VWA5B1: variants seen among roughly 807,000 people sequenced by gnomAD.
VWA5B1 encodes von Willebrand factor A domain-containing protein 5B1.
A neutral mutation model predicts 118.2 loss-of-function variants in VWA5B1; 115 were observed. The observed-to-expected ratio is 0.97, with a 90% CI of 0.84 to 1.14. The LOEUF (loss-of-function observed/expected upper bound fraction) is 1.14. VWA5B1 is among the 50% of genes most tolerant of loss of function. VWA5B1 has a pLI of 0.00. For missense variants in VWA5B1, 1,596 were observed against 1,603.8 expected (o/e 1.00, Z 0.08); for synonymous variants, 682 against 658.4 (o/e 1.04, Z -0.55).
In VWA5B1 at chr1:20,332,938, C is replaced by T. The variant is rs935842908; in HGVS notation, c.1745C>T (p.Ser582Phe). Residue 582 changes from serine to phenylalanine, a missense_variant, in exon 12 of 22, where the codon TCC (serine) becomes TTC (phenylalanine). By Grantham distance (155) the Ser-to-Phe change is radical. Transcript: ENST00000289815. ...GTATGTGATGCTTCTTTGCACATCT[C>T]CAATCCCAGATCTGTAAGTATCCTA... ...GIVCDASLHI[S>F]NPRSDKRRRY... 6.4e-7 allele frequency: 1 copy of T among 1,551,824 alleles called. No individual in the cohort carries two copies. Among genetic ancestry groups the T allele is most frequent in the Middle Eastern group, 1.7e-4 (1 of 6,016 alleles).
intron 7 of VWA5B1, among the ~76,000 whole-genome samples, chr1:20,321,949 G>C (rs1393929865): frequency 6.6e-6 from 1 of 152,204 alleles, no homozygotes; most frequent in Admixed American, 6.5e-5. Context: ...TTGAGCAAGA[G>C]AATGACAAGA....
At chr1:20,321,133 G>T (rs1018195285) in intron 7 of VWA5B1, among the ~76,000 whole-genome samples, 2 of 98,674 alleles carry the variant, frequency 2.0e-5, no homozygotes. Flanking sequence ...AAAAAAACAC[G>T]AAAAGATGCA....
In VWA5B1 at chr1:20,355,342, C is replaced by T. The variant is rs2090210533; in HGVS notation, c.*1079C>T. 6.6e-6 allele frequency among the ~76,000 whole-genome samples: 1 copy of T among 152,106 alleles called. No individual in the cohort carries two copies. Among genetic ancestry groups the T allele is most frequent in the African/African-American group, 2.4e-5 (1 of 41,420 alleles). On this transcript the variant is annotated 3_prime_UTR_variant, in exon 22 of 22. Transcript: ENST00000289815. ...GCTGGATCCCCTAGGGGCTTCCTGC[C>T]CTCAAGCCCACTGTGTGATGCCTAC...
At chr1:20,332,642 T>C in intron 11 of VWA5B1, 124 bp from the exon 12 acceptor site, 1 of 1,021,178 alleles carries the variant, frequency 9.8e-7, no homozygotes, top group Non-Finnish European at 1.4e-6. Flanking sequence ...GCTAGGCAAG[T>C]CACCACAAGG....
rs1440481496 is a variant in VWA5B1 at position 20,332,905 on chromosome 1, A to G, written c.1712A>G (p.Tyr571Cys). ...TTCCCTGGAGAACGGCTGGTGGGGT[A>G]TGGCATTGTATGTGATGCTTCTTTG... Reference protein sequence around the residue: ...SLFPGERLVGYGIVCDASLHI... With the variant: ...SLFPGERLVGCGIVCDASLHI... Residue 571 changes from tyrosine (Y) to cysteine (C), a missense_variant, in exon 12 of 22, where the codon TAT becomes TGT. Transcript: ENST00000289815. 2.6e-6 allele frequency: 4 copies of G among 1,551,732 alleles called. No homozygotes were observed. Among genetic ancestry groups the G allele is most frequent in the East Asian group, 4.9e-5 (2 of 40,938 alleles).
At chr1:20,317,977 G>T (rs958982220) in intron 5 of VWA5B1, among the ~76,000 whole-genome samples, 1 of 150,560 alleles carries the variant, frequency 6.6e-6, no homozygotes, top group Non-Finnish European at 1.5e-5. Context: ...CTGCTTCCTG[G>T]TTCTCACCTT....
intron 1 of VWA5B1, among the ~76,000 whole-genome samples, chr1:20,295,971 T>G (rs1427223449): frequency 6.6e-6 from 1 of 152,186 alleles, no homozygotes; most frequent in Non-Finnish European, 1.5e-5. Flanking sequence ...CAAGTGATTC[T>G]CCTGCCTCAG....
Position 20,345,599 on chromosome 1 carries a change from G to T in VWA5B1, c.2764+6G>T. On this transcript the variant is annotated splice_donor_region_variant and intron_variant, in intron 17 of 21. Transcript: ENST00000289815. ...GGTGGAGTACCCCAACTCTGGTAAG[G>T]CAGGCGAGCGGCCGGGGGCACTCCT... The T allele has an allele frequency of 6.5e-7, 1 of 1,541,318 alleles. No individual in the cohort carries two copies.
intron 1 of VWA5B1, among the ~76,000 whole-genome samples, chr1:20,293,714 T>C (rs1278837746): frequency 6.6e-6 from 1 of 152,182 alleles, no homozygotes; most frequent in Admixed American, 6.5e-5. Flanking sequence ...TGAGTATGAC[T>C]CCAGGTCACC....
chr1:20,323,306 A>T, intron 7 of VWA5B1, 50 bp from the exon 8 acceptor site: 1 of 1,393,328 alleles, frequency 7.2e-7, no homozygotes, highest in Non-Finnish European at 9.4e-7. Flanking sequence ...AGTCCCCAGG[A>T]GTACCTCTTG....
rs1390997114 is a variant in VWA5B1 at position 20,343,478 on chromosome 1, C to A, written c.2626+85C>A. ...ACAGCCGCTCCCCCTTCCCCACCCG[C>A]CCCCGGTGATCCTCTCAGCCCCGCG... On this transcript the variant is annotated intron_variant, in intron 16 of 21. Transcript: ENST00000289815. 13 of 1,440,540 alleles carry A rather than the reference C, an allele frequency of 9.0e-6. No individual in the cohort carries two copies. The East Asian group carries it at 1.5e-4, about 17-fold the overall frequency. 89.2% of individuals were successfully genotyped at this position (1,440,540 alleles called of 1,614,324 possible).
In VWA5B1 at chr1:20,343,396, G is replaced by C; in HGVS notation, c.2626+3G>C. ...GCGCGAGGGCGAGATCGAGCAGGGT[G>C]AGCGCCACGGAACTGCGCCCCTCCC... On this transcript the variant is annotated splice_donor_region_variant and intron_variant, in intron 16 of 21. Coordinates refer to ENST00000289815, the MANE Select transcript of VWA5B1 (RefSeq NM_001039500.3). 20 of 1,516,398 alleles carry C rather than the reference G, an allele frequency of 1.3e-5. No individual in the cohort carries two copies. The highest frequency in any genetic ancestry group is 1.7e-5 in the Non-Finnish European group (19 of 1,134,764). 93.9% of individuals were successfully genotyped at this position (1,516,398 alleles called of 1,614,324 possible).
In VWA5B1 at chr1:20,312,864, C is replaced by T. The variant is rs2088891210; in HGVS notation, c.168C>T (p.Cys56=). ...QGLFVYPLDE[C]TTVIGFEAVI... ...TCTTCGTGTACCCCCTGGATGAGTG[C>T]ACCACGGTGATCGGCTTTGAGGCAG... The change falls in exon 3 of 22, where the codon TGC becomes TGT. Residue 56 remains cysteine, a synonymous_variant. Coordinates refer to ENST00000289815, the MANE Select transcript of VWA5B1 (RefSeq NM_001039500.3). 3 of 1,551,502 alleles carry T rather than the reference C, an allele frequency of 1.9e-6. No individual in the cohort carries two copies. Among genetic ancestry groups the T allele is most frequent in the Non-Finnish European group, 2.6e-6 (3 of 1,146,940 alleles).
intron 9 of VWA5B1, among the ~76,000 whole-genome samples, chr1:20,328,772 T>C (rs2089461207): frequency 1.3e-5 from 2 of 152,108 alleles, no homozygotes; most frequent in South Asian, 4.1e-4. Flanking sequence ...AAAAGAATAA[T>C]ATGTATTGAT....
chr1:20,341,686 G>T (rs1193526888), intron 14 of VWA5B1, among the ~76,000 whole-genome samples: 1 of 152,108 alleles, frequency 6.6e-6, no homozygotes, highest in Non-Finnish European at 1.5e-5. Flanking sequence ...AATGATCTTT[G>T]TCATGACTAT....
intron 1 of VWA5B1, among the ~76,000 whole-genome samples, chr1:20,308,954 G>C (rs1292021194): frequency 1.3e-5 from 2 of 152,192 alleles, no homozygotes; most frequent in Non-Finnish European, 2.9e-5. Context: ...CTACCCCGCA[G>C]ACAGGAAAAC....
chr1:20,353,608 G>A, intron 21 of VWA5B1, 149 bp from the exon 22 acceptor site: 1 of 1,024,158 alleles, frequency 9.8e-7, no homozygotes, highest in Non-Finnish European at 1.4e-6. Flanking sequence ...GCAGGATAAA[G>A]GATAGAGATG....
intron 1 of VWA5B1, among the ~76,000 whole-genome samples, chr1:20,299,515 T>C (rs189958847): frequency 6.2e-4 from 95 of 152,336 alleles, no homozygotes; most frequent in Admixed American, 5.4e-3. Context: ...GCGATTCTCG[T>C]GCCTTAGCCT....
At chr1:20,345,935 G>A (rs1419928991) in intron 17 of VWA5B1, among the ~76,000 whole-genome samples, 6 of 152,288 alleles carry the variant, frequency 3.9e-5, no homozygotes, top group Admixed American at 2.0e-4. Flanking sequence ...AAGACCAACA[G>A]TCATCCAGGA....
Sources: allele counts gnomAD v4.1 joint callset (sites outside exome capture counted in the v4.1 genomes callset), GRCh38; gene constraint gnomAD v4.1.1; transcripts MANE v1.5; gene names NCBI Gene and HGNC (gene_info 2026-07-23, HGNC 2026-07-21).